The following PLEKHA5 variants were observed in gnomAD, a reference collection of about 807,000 sequenced individuals.
The protein encoded by PLEKHA5 is pleckstrin homology domain containing A5.
PLEKHA5 carries 55 observed loss-of-function variants against 181.9 expected under a neutral mutation model. The ratio of observed to expected loss-of-function variants is 0.30; its 90% CI spans 0.24 to 0.38. The LOEUF is 0.38. PLEKHA5 is among the 10% of genes least tolerant of loss of function. The pLI, the probability that PLEKHA5 is intolerant of heterozygous loss-of-function variation, is 1.00. For synonymous variants in PLEKHA5, 535 were observed against 529.4 expected (o/e 1.01, Z -0.15); for missense variants, 1,432 against 1,549.5 (o/e 0.92, Z 1.27).
At chr12:19,346,942 T>C in intron 23 of PLEKHA5, 52 bp from the exon 24 acceptor site, 2 of 1,148,940 alleles carry the variant, frequency 1.7e-6, no homozygotes, top group East Asian at 5.6e-5. Context: ...AATTTAGATA[T>C]GCTTAATTCA....
chr12:19,229,178 AC>A (rs1201937025), intron 3 of PLEKHA5, among the ~76,000 whole-genome samples: 23 of 152,274 alleles, frequency 1.5e-4, no homozygotes, highest in Middle Eastern at 3.4e-3. Context: ...AAATAGCCAT[AC>A]CCCAGTAAAA....
intron 25 of PLEKHA5, among the ~76,000 whole-genome samples, chr12:19,352,784 C>CTTTTTTCTT (rs1320988215): frequency 1.3e-5 from 2 of 151,386 alleles, no homozygotes; most frequent in Admixed American, 6.6e-5. Context: ...TTTTTCTTCT[C>CTTTTTTCTT]TTTTTTCTTT....
chr12:19,221,585 A>G (rs1289833351), intron 3 of PLEKHA5, among the ~76,000 whole-genome samples: 1 of 152,152 alleles, frequency 6.6e-6, no homozygotes, highest in Non-Finnish European at 1.5e-5. Flanking sequence ...AACCCATTGA[A>G]GTTTACAACA....
At chr12:19,285,954 CTG>C (rs1171389597) in intron 12 of PLEKHA5, among the ~76,000 whole-genome samples, 1 of 152,206 alleles carries the variant, frequency 6.6e-6, no homozygotes, top group Non-Finnish European at 1.5e-5. Flanking sequence ...CAAAAGACAA[CTG>C]TCAATATTCA....
rs2095067547 is a variant in PLEKHA5, at chr12:19,358,552, A to G, written c.3348+115A>G. Reference sequence around the variant, plus strand: ...GGTCTGCAGTATGGATACTTATTTTATATTATTTAATTCTCCTAATAATAA... The same window carrying G: ...GGTCTGCAGTATGGATACTTATTTTGTATTATTTAATTCTCCTAATAATAA... On this transcript the variant is annotated intron_variant, in intron 27 of 31. Coordinates refer to ENST00000429027, the MANE Select transcript of PLEKHA5 (RefSeq NM_001256470.2). The G allele has an allele frequency of 7.9e-6, 5 of 635,786 alleles. No individual in the cohort carries two copies. The East Asian group carries it at 1.4e-4, about 18-fold the overall frequency. The allele number at this position is 635,786 out of a possible 1,614,324, so 39.4% of individuals were successfully genotyped here.
chr12:19,311,751 A>G (rs770513789), intron 15 of PLEKHA5, among the ~76,000 whole-genome samples: 6 of 151,784 alleles, frequency 4.0e-5, no homozygotes, highest in African/African-American at 7.2e-5. Context: ...AAACCCCTCA[A>G]CCTCATTCAT....
chr12:19,221,765 A>C (rs2058977904), intron 3 of PLEKHA5, among the ~76,000 whole-genome samples: 1 of 152,182 alleles, frequency 6.6e-6, no homozygotes, highest in South Asian at 2.1e-4. Context: ...AAGTGTATGG[A>C]GTCTGTAAGA....
At chr12:19,226,264 A>C (rs979052202) in intron 3 of PLEKHA5, among the ~76,000 whole-genome samples, 2 of 152,202 alleles carry the variant, frequency 1.3e-5, no homozygotes, top group African/African-American at 4.8e-5. Flanking sequence ...AGCATGTATC[A>C]GTACATCATT....
At chr12:19,177,626 AT>A (rs1175531717) in intron 3 of PLEKHA5, among the ~76,000 whole-genome samples, 1 of 152,226 alleles carries the variant, frequency 6.6e-6, no homozygotes, top group Non-Finnish European at 1.5e-5. Flanking sequence ...TCAAATGATC[AT>A]AATAATTTTA....
chr12:19,330,470 A>G (rs564444470), intron 20 of PLEKHA5, among the ~76,000 whole-genome samples: 2 of 152,174 alleles, frequency 1.3e-5, no homozygotes, highest in African/African-American at 4.8e-5. Flanking sequence ...TTTAGGTTAA[A>G]AAAAGCCAGT....
At chr12:19,290,152 C>T (rs1592340907) in intron 13 of PLEKHA5, among the ~76,000 whole-genome samples, 1 of 151,926 alleles carries the variant, frequency 6.6e-6, no homozygotes, top group South Asian at 2.1e-4. Flanking sequence ...AGGCTGGTCT[C>T]GAACTTCTGA....
At chr12:19,131,815 G>A (rs761718574) in intron 2 of PLEKHA5, among the ~76,000 whole-genome samples, 7 of 151,904 alleles carry the variant, frequency 4.6e-5, no homozygotes, top group African/African-American at 2.4e-5. Flanking sequence ...AATGACCATT[G>A]TTCACCTGAA....
intron 3 of PLEKHA5, among the ~76,000 whole-genome samples, chr12:19,222,334 C>T (rs1466648593): frequency 6.6e-6 from 1 of 152,002 alleles, no homozygotes; most frequent in African/African-American, 2.4e-5. Context: ...TTTTATGCTT[C>T]AAATAATTTT....
intron 30 of PLEKHA5, among the ~76,000 whole-genome samples, chr12:19,368,590 C>T (rs554963125): frequency 1.3e-5 from 2 of 152,064 alleles, no homozygotes; most frequent in Admixed American, 6.6e-5. Flanking sequence ...GTTTGGAGTT[C>T]GAGACCAGCC....
chr12:19,342,331 T>C (rs1249809427), intron 21 of PLEKHA5, among the ~76,000 whole-genome samples: 3 of 152,110 alleles, frequency 2.0e-5, no homozygotes, highest in Non-Finnish European at 4.4e-5. Flanking sequence ...AGTTAGTGTA[T>C]TTAACCTGAG....
In PLEKHA5 at chr12:19,274,875, C is replaced by T. The variant is rs1375175214; in HGVS notation, c.1205C>T (p.Pro402Leu). The T allele has an allele frequency of 2.5e-6, 4 of 1,613,754 alleles. No homozygotes were observed. In the African/African-American group the frequency reaches 4.0e-5, roughly 16 times the overall value. The change falls in exon 11 of 32, where the codon CCC (proline) becomes CTC (leucine). Residue 402 changes from proline to leucine, a missense_variant. Pro to Leu is a moderately conservative substitution (Grantham distance 98, BLOSUM62 -3). Coordinates refer to ENST00000429027, the MANE Select transcript of PLEKHA5 (RefSeq NM_001256470.2). The stretch of plus-strand genomic sequence containing the variant: ...GGTGGAAATCGCCCCAATACAGGGC[C>T]CTTATACACAGAGGCCGATCGAGTC... The part of the protein sequence containing the change: ...LRGGNRPNTG[P>L]LYTEADRVIQ...
At chr12:19,187,385 T>C (rs2050104469) in intron 3 of PLEKHA5, among the ~76,000 whole-genome samples, 1 of 152,200 alleles carries the variant, frequency 6.6e-6, no homozygotes, top group African/African-American at 2.4e-5. Context: ...GCTGGGTGGT[T>C]CTGGCTCAGG....
intron 5 of PLEKHA5, among the ~76,000 whole-genome samples, chr12:19,256,130 G>A (rs148297946): frequency 7.2e-4 from 109 of 152,004 alleles, no homozygotes; most frequent in African/African-American, 2.4e-3. Context: ...ATCAGTTTTC[G>A]GGAAAGAAAA....
intron 15 of PLEKHA5, among the ~76,000 whole-genome samples, chr12:19,298,062 G>A (rs994240983): frequency 1.3e-5 from 2 of 151,994 alleles, no homozygotes; most frequent in East Asian, 1.9e-4. Context: ...AAAATTAGCC[G>A]GGCATAGTAG....
Sources: gnomAD v4.1 joint callset for allele counts (sites outside exome capture counted in the v4.1 genomes callset) on GRCh38, gnomAD v4.1.1 for gene constraint, MANE v1.5 for transcripts, NCBI Gene and HGNC (gene_info 2026-07-23, HGNC 2026-07-21) for gene names.